Variants in PLXNC1 observed in about 807,000 individuals in gnomAD.
PLXNC1 encodes the protein plexin-C1.
Under a neutral mutation model 178.2 loss-of-function variants are expected in PLXNC1, and 75 were observed. The ratio of observed to expected loss-of-function variants is 0.42; its 90% CI spans 0.35 to 0.51. The LOEUF is 0.51. PLXNC1 is among the 20% of genes least tolerant of loss of function. PLXNC1 has a pLI of 0.02. For missense variants in PLXNC1, 1,503 were observed against 1,984.4 expected (o/e 0.76, Z 4.61); for synonymous variants, 790 against 779.9 (o/e 1.01, Z -0.22).
At position 94,303,751 on chromosome 12, in the gene PLXNC1, C is replaced by A; in HGVS notation, c.4387-5C>A. 4 of 1,311,548 alleles carry A rather than the reference C, an allele frequency of 3.0e-6. No homozygotes were observed. Among genetic ancestry groups the A allele is most frequent in the South Asian group, 2.0e-5 (1 of 48,974 alleles). 81.2% of individuals were successfully genotyped at this position (1,311,548 alleles called of 1,614,324 possible). A position where few individuals can be genotyped will look rare whatever the true frequency, so the allele number is the denominator to read the frequency against. On this transcript the variant is annotated splice_region_variant and splice_polypyrimidine_tract_variant and intron_variant, in intron 28 of 30. Coordinates refer to ENST00000258526, the MANE Select transcript of PLXNC1 (RefSeq NM_005761.3). ...TGGTTGCTTTTTTTTTTTTTTTTTC[C>A]CCAGGAAGCACCAACTAATAAGCTT...
At chr12:94,252,599 T>C (rs1964727958) in intron 15 of PLXNC1, among the ~76,000 whole-genome samples, 1 of 152,192 alleles carries the variant, frequency 6.6e-6, no homozygotes, top group South Asian at 2.1e-4. Context: ...ATTAAGTAGC[T>C]TATAACATTT....
In PLXNC1 at chr12:94,232,462, T is replaced by TG. The variant is rs1202975417; in HGVS notation, c.1981-5202_1981-5201insG. ...GATGAATGCTTTTGGGGACCTTGCCTTCAAGAGTGAAATTAAATTTCACAT... is the reference window on the plus strand; with the variant it reads ...GATGAATGCTTTTGGGGACCTTGCCTGTCAAGAGTGAAATTAAATTTCACAT... On this transcript the variant is annotated intron_variant, in intron 9 of 30. Transcript: ENST00000258526. Among the ~76,000 whole-genome samples the TG allele has an allele frequency of 1.1e-4, 16 of 152,304 alleles. No homozygotes were observed. The South Asian group carries it at 1.9e-3, about 18-fold the overall frequency.
At position 94,305,471 on chromosome 12, in the gene PLXNC1, G is replaced by A. The variant is rs1968910854; in HGVS notation, c.*186G>A. 1 of 545,908 alleles carries A rather than the reference G, an allele frequency of 1.8e-6. No homozygotes were observed. Among genetic ancestry groups the A allele is most frequent in the Non-Finnish European group, 3.3e-6 (1 of 305,826 alleles). 33.8% of individuals were successfully genotyped at this position (545,908 alleles called of 1,614,324 possible). On this transcript the variant is annotated 3_prime_UTR_variant, in exon 31 of 31. Coordinates refer to ENST00000258526, the MANE Select transcript of PLXNC1 (RefSeq NM_005761.3). The stretch of plus-strand genomic sequence containing the variant: ...AGCATACCAACCCTTGTGCCTGTGT[G>A]TATACCGTGGGAACCCTTCTGTAAA...
intron 11 of PLXNC1, among the ~76,000 whole-genome samples, 171 bp from the exon 12 acceptor site, chr12:94,243,767 C>A (rs1187481035): frequency 6.6e-6 from 1 of 152,086 alleles, no homozygotes; most frequent in Non-Finnish European, 1.5e-5. Context: ...TGGCTGGTAT[C>A]CTGAAAAGAT....
At chr12:94,220,849 G>A (rs1963776678) in intron 6 of PLXNC1, among the ~76,000 whole-genome samples, 1 of 152,168 alleles carries the variant, frequency 6.6e-6, no homozygotes, top group Non-Finnish European at 1.5e-5. Context: ...GATGGGGATG[G>A]GTATTTCAGA....
chr12:94,153,673 C>T (rs1166316004), intron 1 of PLXNC1, among the ~76,000 whole-genome samples: 4 of 152,190 alleles, frequency 2.6e-5, no homozygotes, highest in Non-Finnish European at 5.9e-5. Flanking sequence ...GAGGGTAGTA[C>T]GTTTTCCTGC....
intron 30 of PLXNC1, among the ~76,000 whole-genome samples, chr12:94,304,601 C>A (rs1031500853): frequency 3.3e-5 from 5 of 152,122 alleles, no homozygotes; most frequent in Admixed American, 2.6e-4. Context: ...GATTCCCCCC[C>A]AATCATGCTG....
chr12:94,276,915 C>T (rs1410680285), intron 21 of PLXNC1: 4 of 152,260 alleles, frequency 2.6e-5, no homozygotes. Context: ...ACAGGCCAGA[C>T]GGAGATCACC....
chr12:94,148,743 G>A lies in PLXNC1; in HGVS notation c.-229G>A, dbSNP rs912203096. 3 of 151,796 alleles carry A rather than the reference G, an allele frequency of 2.0e-5. No individual in the cohort carries two copies. Among genetic ancestry groups the A allele is most frequent in the East Asian group, 2.0e-4 (1 of 5,092 alleles). 9.4% of individuals were successfully genotyped at this position (151,796 alleles called of 1,614,324 possible). A position where few individuals can be genotyped will look rare whatever the true frequency, so the allele number is the denominator to read the frequency against. ...GGAGGGCGAGGAGGAAACGGTGCCG[G>A]AGCGCGCAGGGCTTGCTGCCGCCAC... On this transcript the variant is annotated 5_prime_UTR_variant, in exon 1 of 31. Coordinates refer to ENST00000258526, the MANE Select transcript of PLXNC1 (RefSeq NM_005761.3). This position sits in a 1 kb window ranked among gnomAD's most constrained non-coding sequence, Gnocchi z 4.8.
At position 94,249,938 on chromosome 12, in the gene PLXNC1, T is replaced by TGGGGGGGTG. The variant is rs1555203498; in HGVS notation, c.2779-1485_2779-1477dup. Among the ~76,000 whole-genome samples, 14 of 18,288 alleles carry TGGGGGGGTG rather than the reference T, an allele frequency of 7.7e-4. 1 individual carries two copies. The highest frequency in any genetic ancestry group is 6.9e-3 in the South Asian group (3 of 436). 12.0% of individuals were successfully genotyped at this position (18,288 alleles called of 152,430 possible). A position where few individuals can be genotyped will look rare whatever the true frequency, so the allele number is the denominator to read the frequency against. On this transcript the variant is annotated intron_variant, in intron 14 of 30. Coordinates refer to ENST00000258526, the MANE Select transcript of PLXNC1 (RefSeq NM_005761.3). Reference sequence around the variant, plus strand: ...GAAAAAAAGCACCAGTGTGGGGGGGTGGGGGGGTGGGAACAGGAGCAGGTA... The same window carrying TGGGGGGGTG: ...GAAAAAAAGCACCAGTGTGGGGGGGTGGGGGGGTGGGGGGGGTGGGAACAGGAGCAGGTA...
chr12:94,149,460 C>G lies in PLXNC1; in HGVS notation c.489C>G (p.Ala163=). ...CGTGCCACCCGCAGGGCTCGACGGC[C>G]GGCGTGGTGTACCGCGCGGGCCGGA... ...VVSCHPQGST[A]GVVYRAGRNN... The change falls in exon 1 of 31, where the codon GCC becomes GCG. Residue 163 remains alanine, a synonymous_variant. Transcript: ENST00000258526. The G allele has an allele frequency of 6.8e-7, 1 of 1,471,696 alleles. No individual in the cohort carries two copies. The highest frequency in any genetic ancestry group is 8.9e-7 in the Non-Finnish European group (1 of 1,120,008). The allele number at this position is 1,471,696 out of a possible 1,614,324, so 91.2% of individuals were successfully genotyped here.
rs1046134046 is a variant in PLXNC1 at position 94,169,350 on chromosome 12, A to T, written c.1203+57A>T. ...TTTTAATGGTGATATTTTGTACTTT[A>T]AAAAAACATTTTTTTAATGCTTCTG... On this transcript the variant is annotated intron_variant, in intron 2 of 30. Transcript: ENST00000258526. 1.1e-4 allele frequency: 159 copies of T among 1,455,936 alleles called. 2 individuals are homozygous for T. In the Admixed American group the frequency reaches 3.2e-3, roughly 29 times the overall value. 90.2% of individuals were successfully genotyped at this position (1,455,936 alleles called of 1,614,324 possible). A position where few individuals can be genotyped will look rare whatever the true frequency, so the allele number is the denominator to read the frequency against.
chr12:94,302,101 C>A (rs1968524302), intron 28 of PLXNC1, among the ~76,000 whole-genome samples: 2 of 152,190 alleles, frequency 1.3e-5, no homozygotes, highest in South Asian at 2.1e-4. Flanking sequence ...AAACATAAAT[C>A]TGATGATGTC....
At chr12:94,213,423 T>G (rs1272136525) in intron 5 of PLXNC1, among the ~76,000 whole-genome samples, 2 of 152,226 alleles carry the variant, frequency 1.3e-5, no homozygotes, top group Non-Finnish European at 2.9e-5. Flanking sequence ...GCATTTTTGC[T>G]TATGTCTGTT....
chr12:94,254,351 C>T (rs992168442), intron 15 of PLXNC1: 5 of 366,722 alleles, frequency 1.4e-5, no homozygotes, highest in Non-Finnish European at 2.7e-5. Context: ...TGTGGATCTG[C>T]GGTTCCTTTC....
chr12:94,297,228 C>T lies in PLXNC1; in HGVS notation c.3966+8C>T. Reference sequence around the variant, plus strand: ...GATGACCACTGCCATTTGGTGAGTTCAGGCTTTCTTGTGCTCACCACTGAA... The same window carrying T: ...GATGACCACTGCCATTTGGTGAGTTTAGGCTTTCTTGTGCTCACCACTGAA... On this transcript the variant is annotated splice_region_variant and intron_variant, in intron 25 of 30. Transcript: ENST00000258526. The T allele has an allele frequency of 6.2e-7, 1 of 1,614,026 alleles. No individual in the cohort carries two copies. The highest frequency in any genetic ancestry group is 8.5e-7 in the Non-Finnish European group (1 of 1,179,934).
intron 2 of PLXNC1, among the ~76,000 whole-genome samples, chr12:94,170,110 C>T (rs976968339): frequency 1.3e-5 from 2 of 152,188 alleles, no homozygotes; most frequent in African/African-American, 4.8e-5. Context: ...TTCTCTGCAG[C>T]CATCCATTTA....
intron 2 of PLXNC1, among the ~76,000 whole-genome samples, chr12:94,177,190 T>C (rs1962109025): frequency 9.0e-5 from 1 of 11,102 alleles, no homozygotes; most frequent in Non-Finnish European, 1.8e-4. Flanking sequence ...TATATATGTA[T>C]ATATATATAC....
intron 10 of PLXNC1, among the ~76,000 whole-genome samples, chr12:94,239,228 T>G (rs932689497): frequency 2.0e-5 from 3 of 152,224 alleles, no homozygotes; most frequent in African/African-American, 4.8e-5. Flanking sequence ...CAGTTAATCC[T>G]ATACCTGAGC....
Sources: allele counts gnomAD v4.1 joint callset (sites outside exome capture counted in the v4.1 genomes callset), GRCh38; gene constraint gnomAD v4.1.1; non-coding constraint Gnocchi (gnomAD v3.1); transcripts MANE v1.5; gene names NCBI Gene and HGNC (gene_info 2026-07-23, HGNC 2026-07-21).